The following IDH2 variants were observed in gnomAD, a reference collection of about 807,000 sequenced individuals.
The protein encoded by IDH2 is isocitrate dehydrogenase (NADP(+)) 2.
A neutral mutation model predicts 50.5 loss-of-function variants in IDH2; 18 were observed. The observed-to-expected ratio is 0.36, with a 90% confidence interval of 0.25 to 0.53. The LOEUF is 0.53. Ranked by LOEUF, IDH2 falls within the 20% of genes least tolerant of loss-of-function variation. The probability of loss-of-function intolerance (pLI) is 0.92; values close to 1 mark genes in which losing one functional copy is unlikely to be tolerated. For synonymous variants in IDH2, 280 were observed against 239.8 expected, an observed-to-expected ratio of 1.17 and a Z score of -1.55; for missense variants, 518 against 610.7, an observed-to-expected ratio of 0.85 and a Z score of 1.60.
At chr15:90,102,003 G>A (rs1206214812) in intron 1 of IDH2, among the ~76,000 whole-genome samples, 1 of 151,902 alleles carries the variant, frequency 6.6e-6, no homozygotes, top group Non-Finnish European at 1.5e-5. Flanking sequence ...CTAGGGGCGC[G>A]CGGCAGCCCC....
At position 90,085,405 on chromosome 15, in the gene IDH2, T is replaced by C; in HGVS notation, c.968-18A>G. The C allele has an allele frequency of 6.5e-7, 1 of 1,529,640 alleles. No homozygotes were observed. The highest frequency in any genetic ancestry group is 8.9e-7 in the Non-Finnish European group (1 of 1,127,034). 94.8% of individuals were successfully genotyped at this position (1,529,640 alleles called of 1,614,324 possible). On this transcript the variant is annotated intron_variant, in intron 7 of 10. Transcript: ENST00000330062. This position sits in a 1 kb window ranked among gnomAD's most constrained non-coding sequence, Gnocchi z 5.5. ...GCCAAAGCCTGGAGGGTAGAAAGCC[T>C]TTCTCTCAGGGCCTCGCCTCTCCTG...
chr15:90,095,112 G>T (rs1596078979), intron 1 of IDH2, among the ~76,000 whole-genome samples: 1 of 152,056 alleles, frequency 6.6e-6, no homozygotes, highest in Non-Finnish European at 1.5e-5. Context: ...ATCATTTAGG[G>T]GGAATAATGA....
At chr15:90,086,100 C>T (rs1900852281) in intron 7 of IDH2, among the ~76,000 whole-genome samples, 1 of 152,186 alleles carries the variant, frequency 6.6e-6, no homozygotes, top group African/African-American at 2.4e-5. Flanking sequence ...TCTGCTATGG[C>T]GTTTCATCCT....
chr15:90,097,086 A>C (rs1357887511), intron 1 of IDH2, among the ~76,000 whole-genome samples: 1 of 152,236 alleles, frequency 6.6e-6, no homozygotes, highest in Non-Finnish European at 1.5e-5. Context: ...CCACGTGTCC[A>C]TCACAGATGA....
At chr15:90,086,872 C>T (rs544372115) in intron 7 of IDH2, among the ~76,000 whole-genome samples, 92 of 152,200 alleles carry the variant, frequency 6.0e-4, no homozygotes, top group Non-Finnish European at 1.0e-3. Flanking sequence ...TCAACCTAGC[C>T]CTGGAATTCC....
chr15:90,094,129 C>T (rs1004100181), intron 1 of IDH2, among the ~76,000 whole-genome samples: 4 of 152,154 alleles, frequency 2.6e-5, no homozygotes, highest in Admixed American at 6.5e-5. Context: ...CATCAAAGGA[C>T]TCAATGAGGG....
chr15:90,101,645 G>C (rs1596082731), intron 1 of IDH2, among the ~76,000 whole-genome samples: 1 of 151,474 alleles, frequency 6.6e-6, no homozygotes, highest in Non-Finnish European at 1.5e-5. Context: ...AGAGGCCCCA[G>C]GATGGAGCCT....
chr15:90,094,211 G>A (rs994853022), intron 1 of IDH2, among the ~76,000 whole-genome samples: 19 of 152,098 alleles, frequency 1.2e-4, no homozygotes, highest in African/African-American at 3.4e-4. Context: ...AGTCTGACTC[G>A]CAGGAATACC....
Position 90,084,415 on chromosome 15 carries a change from G to T in IDH2, c.1272-62C>A. The T allele has an allele frequency of 1.4e-6, 2 of 1,442,870 alleles. No individual in the cohort carries two copies. The highest frequency in any genetic ancestry group is 1.9e-6 in the Non-Finnish European group (2 of 1,038,738). The allele number at this position is 1,442,870 out of a possible 1,614,324, so 89.4% of individuals were successfully genotyped here. A position where few individuals can be genotyped will look rare whatever the true frequency, so the allele number is the denominator to read the frequency against. ...CAGGCCTTGCCAAGGCCATCAGCCA[G>T]GCCCTTCCAGGGAACAGCCTGAGCT... On this transcript the variant is annotated intron_variant, in intron 10 of 10. Transcript: ENST00000330062. The surrounding 1 kb of genome is among the most constrained non-coding windows in gnomAD (Gnocchi z 5.0).
chr15:90,100,789 C>T lies in IDH2; in HGVS notation c.115+1487G>A, dbSNP rs1237687536. ...AACTGTAGAGTCTGATGTCCAACTC[C>T]AACACCAAGCAATTTCCCCATTCAT... On this transcript the variant is annotated intron_variant, in intron 1 of 10. Transcript: ENST00000330062. This position sits in a 1 kb window ranked among gnomAD's most constrained non-coding sequence, Gnocchi z 4.1. 12 of 263,026 alleles carry T rather than the reference C, an allele frequency of 4.6e-5. No individual in the cohort carries two copies. Among genetic ancestry groups the T allele is most frequent in the Non-Finnish European group, 7.1e-5 (12 of 169,552 alleles). 16.3% of individuals were successfully genotyped at this position (263,026 alleles called of 1,614,324 possible). A position where few individuals can be genotyped will look rare whatever the true frequency, so the allele number is the denominator to read the frequency against.
Position 90,088,389 on chromosome 15 carries a change from G to A in IDH2, c.648C>T (p.Gly216=), listed in dbSNP as rs61733007. 203 of 1,614,066 alleles carry A rather than the reference G, an allele frequency of 1.3e-4. 1 individual carries two copies. The African/African-American group carries it at 2.5e-3, about 20-fold the overall frequency. ...CGGTGTTGTACATGCCCATGCCCACGCCGCCTGCGGGGAAGTTGTACACTT... is the reference window on the plus strand; with the variant it reads ...CGGTGTTGTACATGCCCATGCCCACACCGCCTGCGGGGAAGTTGTACACTT... ...EWEVYNFPAG[G]VGMGMYNTDE... is the part of the protein sequence containing the mutation. The change falls in exon 5 of 11, where the codon GGC becomes GGT. Residue 216 remains glycine, a synonymous_variant. Transcript: ENST00000330062.
chr15:90,085,180 C>G lies in IDH2; in HGVS notation c.1081-82G>C. 6.5e-7 allele frequency: 1 copy of G among 1,547,052 alleles called. No homozygotes were observed. Among genetic ancestry groups the G allele is most frequent in the Non-Finnish European group, 8.9e-7 (1 of 1,122,712 alleles). On this transcript the variant is annotated intron_variant, in intron 8 of 10. Transcript: ENST00000330062. The surrounding 1 kb of genome is among the most constrained non-coding windows in gnomAD (Gnocchi z 5.5). ...CCAGATACAGCTGCCCGCCCCTGGGCTGGTGGGTCAGGCTCGTCCTTCCAG... is the reference window on the plus strand; with the variant it reads ...CCAGATACAGCTGCCCGCCCCTGGGGTGGTGGGTCAGGCTCGTCCTTCCAG...
chr15:90,085,511 C>T lies in IDH2; in HGVS notation c.968-124G>A. On this transcript the variant is annotated intron_variant, in intron 7 of 10. Transcript: ENST00000330062. The surrounding 1 kb of genome is among the most constrained non-coding windows in gnomAD (Gnocchi z 5.5). ...GTTCGTGGCTCTACTCAGCCTCCCC[C>T]AGCTGCAACTGGGAGGACAGGGACT... 1 of 741,756 alleles carries T rather than the reference C, an allele frequency of 1.3e-6. No homozygotes were observed. The highest frequency in any genetic ancestry group is 2.4e-6 in the Non-Finnish European group (1 of 420,308). The allele number at this position is 741,756 out of a possible 1,614,324, so 45.9% of individuals were successfully genotyped here.
intron 2 of IDH2, among the ~76,000 whole-genome samples, chr15:90,090,919 C>G (rs776782263): frequency 2.6e-5 from 4 of 152,208 alleles, no homozygotes; most frequent in Admixed American, 6.5e-5. Flanking sequence ...GTGTGCCCCC[C>G]TCACATGGCC....
intron 1 of IDH2, among the ~76,000 whole-genome samples, chr15:90,093,023 A>G (rs1364547003): frequency 6.6e-6 from 1 of 152,186 alleles, no homozygotes; most frequent in Non-Finnish European, 1.5e-5. Flanking sequence ...GGTGGGGGCC[A>G]GTCTGGCCTG....
Position 90,085,151 on chromosome 15 carries a change from C to G in IDH2, c.1081-53G>C, listed in dbSNP as rs1900825438. On this transcript the variant is annotated intron_variant, in intron 8 of 10. Coordinates refer to ENST00000330062, the MANE Select transcript of IDH2 (RefSeq NM_002168.4). The surrounding 1 kb of genome is among the most constrained non-coding windows in gnomAD (Gnocchi z 5.5). ...AGAGCCGAGCCAGCTAGTGAGGAGG[C>G]TGCCCAGATACAGCTGCCCGCCCCT... is the stretch of plus-strand genomic sequence containing the variant. 1.3e-6 allele frequency: 2 copies of G among 1,579,010 alleles called. No individual in the cohort carries two copies. The highest frequency in any genetic ancestry group is 1.7e-6 in the Non-Finnish European group (2 of 1,149,538).
intron 3 of IDH2, 68 bp from the exon 4 acceptor site, chr15:90,088,815 G>A (rs2151550120): frequency 1.3e-6 from 2 of 1,561,588 alleles, no homozygotes. Flanking sequence ...TGAACCCCAA[G>A]CAACAACACA....
Position 90,085,005 on chromosome 15 carries a change from T to C in IDH2, c.1174A>G (p.Ile392Val). 6.2e-7 allele frequency: 1 copy of C among 1,613,836 alleles called. No homozygotes were observed. The change falls in exon 9 of 11, where the codon ATC becomes GTC. Residue 392 changes from isoleucine to valine, a missense_variant. Ile to Val is a conservative substitution (Grantham distance 29, BLOSUM62 3). Coordinates refer to ENST00000330062, the MANE Select transcript of IDH2 (RefSeq NM_002168.4). This position sits in a 1 kb window ranked among gnomAD's most constrained non-coding sequence, Gnocchi z 5.5. The part of the protein sequence containing the change: ...RGKLDGNQDL[I>V]RFAQMLEKVC... Reference sequence around the variant, plus strand: ...GGCCTCTCCCTCCATGCTCACCTGATGAGGTCTTGGTTCCCATCCAGCTTC... The same window carrying C: ...GGCCTCTCCCTCCATGCTCACCTGACGAGGTCTTGGTTCCCATCCAGCTTC...
rs768052048 is a variant in IDH2, at chr15:90,102,370, G to C, written c.21C>G (p.Val7=). 14 of 1,363,038 alleles carry C rather than the reference G, an allele frequency of 1.0e-5. No individual in the cohort carries two copies. Among genetic ancestry groups the C allele is most frequent in the Middle Eastern group, 2.3e-4 (1 of 4,418 alleles). The allele number at this position is 1,363,038 out of a possible 1,614,324, so 84.4% of individuals were successfully genotyped here. Residue 7 remains valine (V), a synonymous_variant, in exon 1 of 11, where the codon GTC becomes GTG. Coordinates refer to ENST00000330062, the MANE Select transcript of IDH2 (RefSeq NM_002168.4). MAGYLR[V]VRSLCRASGS... is the part of the protein sequence containing the mutation. ...CTGAGGCTCTGCAGAGCGAGCGCAC[G>C]ACCCGCAGGTAGCCGGCCATCCCAA...
Sources: allele counts gnomAD v4.1 joint callset (sites outside exome capture counted in the v4.1 genomes callset), GRCh38; gene constraint gnomAD v4.1.1; non-coding constraint Gnocchi (gnomAD v3.1); transcripts MANE v1.5; gene names NCBI Gene and HGNC (gene_info 2026-07-23, HGNC 2026-07-21).